Variants in POC1B observed in about 807,000 individuals in gnomAD.
POC1B encodes POC1 centriolar protein homolog B.
A neutral mutation model predicts 60.6 loss-of-function variants in POC1B; 44 were observed. The ratio of observed to expected loss-of-function variants is 0.73; its 90% CI spans 0.57 to 0.93. POC1B has a LOEUF of 0.93. Ranked by LOEUF, POC1B falls within the 40% of genes least tolerant of loss-of-function variation. POC1B has a pLI of 0.00. For missense variants in POC1B, 555 were observed against 572.3 expected, an observed-to-expected ratio of 0.97 and a Z score of 0.31; for synonymous variants, 180 against 198.9, an observed-to-expected ratio of 0.90 and a Z score of 0.80.
At chr12:89,512,954 GA>G (rs1870258140) in intron 2 of POC1B, among the ~76,000 whole-genome samples, 1 of 152,102 alleles carries the variant, frequency 6.6e-6, no homozygotes, top group East Asian at 1.9e-4. Context: ...AAAGCAAAGG[GA>G]ATTTATGAAT....
chr12:89,433,641 C>G lies in POC1B; in HGVS notation c.1114-8262G>C, dbSNP rs76669038. Among the ~76,000 whole-genome samples, 439 of 152,258 alleles carry G rather than the reference C, an allele frequency of 2.9e-3. 3 individuals carry two copies. Among genetic ancestry groups the G allele is most frequent in the African/African-American group, 0.01 (431 of 41,564 alleles). On this transcript the variant is annotated intron_variant, in intron 10 of 11. Coordinates refer to ENST00000313546, the MANE Select transcript of POC1B (RefSeq NM_172240.3). ...TAAAGCAGGAGGCTTGCTGGATGGA[C>G]GCCTTTCTGGGGCTGACGAATTACC... is the stretch of plus-strand genomic sequence containing the variant.
At chr12:89,504,642 G>A (rs1449325602) in intron 2 of POC1B, among the ~76,000 whole-genome samples, 1 of 151,474 alleles carries the variant, frequency 6.6e-6, no homozygotes, top group South Asian at 2.1e-4. Context: ...ACGTTAATAA[G>A]TATAGAGGAA....
chr12:89,509,720 T>C (rs113932249), intron 2 of POC1B, among the ~76,000 whole-genome samples: 1 of 152,202 alleles, frequency 6.6e-6, no homozygotes, highest in Non-Finnish European at 1.5e-5. Flanking sequence ...GACTCTCTTT[T>C]CCCACAATAA....
At chr12:89,421,468 A>C (rs573270434) in intron 11 of POC1B, among the ~76,000 whole-genome samples, 1 of 152,322 alleles carries the variant, frequency 6.6e-6, no homozygotes, top group South Asian at 2.1e-4. Flanking sequence ...GAAAAGAAAA[A>C]GAAAAAACCC....
intron 9 of POC1B, among the ~76,000 whole-genome samples, chr12:89,463,905 A>C (rs1310966690): frequency 2.0e-5 from 3 of 152,214 alleles, no homozygotes; most frequent in Non-Finnish European, 4.4e-5. Flanking sequence ...GAAGCGCTTA[A>C]GGCTAGCAAA....
chr12:89,422,836 A>C (rs1026984556), intron 11 of POC1B, among the ~76,000 whole-genome samples: 1 of 152,236 alleles, frequency 6.6e-6, no homozygotes, highest in Admixed American at 6.5e-5. Context: ...TAAGATAAAA[A>C]AATGGAATCC....
At chr12:89,426,060 A>C (rs1229431371) in intron 10 of POC1B, 1 of 152,260 alleles carries the variant, frequency 6.6e-6, no homozygotes, top group African/African-American at 2.4e-5. Flanking sequence ...TCAGCCATAA[A>C]AAGGAATGGA....
At chr12:89,525,793 C>G (rs1206352345) in intron 1 of POC1B, 88 bp downstream of exon 1, 1 of 1,380,446 alleles carries the variant, frequency 7.2e-7, no homozygotes, top group East Asian at 2.8e-5. Context: ...CCATCTCCCT[C>G]CAGGTGCGGC....
chr12:89,402,196 C>T, the POC1B span, among the ~76,000 whole-genome samples: 4 of 152,110 alleles, frequency 2.6e-5, no homozygotes, highest in Non-Finnish European at 5.9e-5. Context: ...GGAAAAGATT[C>T]CAAACTTACT....
chr12:89,524,432 G>C, intron 2 of POC1B: 1 of 1,613,920 alleles, frequency 6.2e-7, no homozygotes, highest in South Asian at 1.1e-5. Context: ...TCCCTGGCAC[G>C]GCCGGCTCCT....
chr12:89,411,954 T>C, the POC1B span, among the ~76,000 whole-genome samples: 1 of 152,192 alleles, frequency 6.6e-6, no homozygotes, highest in Non-Finnish European at 1.5e-5. Flanking sequence ...AGACCTCGGG[T>C]TCTATCCTCT....
intron 10 of POC1B, among the ~76,000 whole-genome samples, chr12:89,447,628 A>T (rs1881842572): frequency 6.6e-6 from 1 of 152,166 alleles, no homozygotes; most frequent in Admixed American, 6.6e-5. Flanking sequence ...AAATTTCATT[A>T]AATTGCTATC....
intron 2 of POC1B, among the ~76,000 whole-genome samples, chr12:89,504,367 G>A (rs1462753499): frequency 2.0e-5 from 3 of 152,048 alleles, no homozygotes; most frequent in South Asian, 2.1e-4. Context: ...GATTAAGGGC[G>A]GTGCAAGATG....
chr12:89,416,192 G>A (rs1880361101), downstream of POC1B, among the ~76,000 whole-genome samples: 1 of 152,232 alleles, frequency 6.6e-6, no homozygotes, highest in Admixed American at 6.5e-5. Flanking sequence ...AAGAGGCAGA[G>A]CTGCAACTGT....
At chr12:89,463,613 G>A (rs1882562605) in intron 9 of POC1B, among the ~76,000 whole-genome samples, 1 of 152,180 alleles carries the variant, frequency 6.6e-6, no homozygotes. Context: ...AAAAGAGAGA[G>A]AGGTACTGTT....
At chr12:89,489,272 T>C (rs1209878535) in intron 4 of POC1B, among the ~76,000 whole-genome samples, 6 of 152,212 alleles carry the variant, frequency 3.9e-5, no homozygotes, top group Non-Finnish European at 8.8e-5. Flanking sequence ...GTTACTACTA[T>C]CATCTTCTTA....
intron 10 of POC1B, chr12:89,428,598 C>G (rs1046941504): frequency 1.3e-5 from 2 of 151,972 alleles, no homozygotes; most frequent in African/African-American, 4.8e-5. Context: ...ATTCTGTTGC[C>G]CAGGCTGGAG....
chr12:89,418,767 G>A (rs1272235924), downstream of POC1B, among the ~76,000 whole-genome samples: 1 of 152,178 alleles, frequency 6.6e-6, no homozygotes, highest in Non-Finnish European at 1.5e-5. Flanking sequence ...TTTCCACCAT[G>A]AGTGAAAGCA....
intron 2 of POC1B, among the ~76,000 whole-genome samples, chr12:89,513,874 T>C (rs1047206709): frequency 9.9e-5 from 15 of 152,186 alleles, no homozygotes; most frequent in Admixed American, 3.9e-4. Context: ...GCCAAAAAGA[T>C]TGGGGACCAC....
Sources: allele counts gnomAD v4.1 joint callset (sites outside exome capture counted in the v4.1 genomes callset), GRCh38; gene constraint gnomAD v4.1.1; transcripts MANE v1.5; gene names NCBI Gene and HGNC (gene_info 2026-07-23, HGNC 2026-07-21).